BRD10: variants seen among roughly 807,000 people sequenced by gnomAD.
The protein encoded by BRD10 is uncharacterized bromodomain-containing protein 10.
At chr9:5,995,710 T>C in the BRD10 span, among the ~76,000 whole-genome samples, 3 of 152,156 alleles carry the variant, frequency 2.0e-5, no homozygotes, top group Admixed American at 2.0e-4. Flanking sequence ...GTTAAGAACT[T>C]GAATTGGACT....
At chr9:5,955,940 G>C in the BRD10 span, among the ~76,000 whole-genome samples, 1 of 152,078 alleles carries the variant, frequency 6.6e-6, no homozygotes, top group Non-Finnish European at 1.5e-5. Context: ...GCTGAAGGGG[G>C]CTCATGAATT....
At chr9:5,885,264 G>A in the BRD10 span, among the ~76,000 whole-genome samples, 1 of 152,202 alleles carries the variant, frequency 6.6e-6, no homozygotes, top group Non-Finnish European at 1.5e-5. Context: ...CTCACCCCAA[G>A]GACTGGGCAC....
At chr9:5,916,718 T>C in the BRD10 span, among the ~76,000 whole-genome samples, 1 of 152,050 alleles carries the variant, frequency 6.6e-6, no homozygotes, top group Non-Finnish European at 1.5e-5. Context: ...ACTTAGTATT[T>C]TAGGTGATAC....
At chr9:5,922,991 C>G in the BRD10 span, 244 of 1,613,784 alleles carry the variant, frequency 1.5e-4, no homozygotes, top group Non-Finnish European at 1.9e-4. Context: ...GGGTTTGGTC[C>G]CTTTCTGGAG....
At chr9:5,962,286 G>A in the BRD10 span, among the ~76,000 whole-genome samples, 5 of 140,318 alleles carry the variant, frequency 3.6e-5, no homozygotes, top group East Asian at 2.0e-4. Context: ...ACACCTCTAC[G>A]CAAATAAACT....
At chr9:5,950,309 C>A in the BRD10 span, among the ~76,000 whole-genome samples, 2 of 152,202 alleles carry the variant, frequency 1.3e-5, no homozygotes, top group African/African-American at 4.8e-5. Context: ...CCAGAAGCGA[C>A]TGACCTGCTT....
the BRD10 span, among the ~76,000 whole-genome samples, chr9:5,904,629 T>C: frequency 6.6e-6 from 1 of 152,118 alleles, no homozygotes; most frequent in South Asian, 2.1e-4. Context: ...CATACTACTA[T>C]GCTCATCTAA....
the BRD10 span, among the ~76,000 whole-genome samples, chr9:5,943,474 C>CA: frequency 6.6e-6 from 1 of 150,826 alleles, no homozygotes; most frequent in Non-Finnish European, 1.5e-5. Context: ...AAAACAGTAA[C>CA]ACTCTGATAT....
At chr9:6,004,907 G>C in the BRD10 span, among the ~76,000 whole-genome samples, 5 of 152,104 alleles carry the variant, frequency 3.3e-5, no homozygotes, top group Non-Finnish European at 7.4e-5. Flanking sequence ...GTGTGGTCTC[G>C]CAAACCTGAT....
chr9:5,887,076 T>C, the BRD10 span, among the ~76,000 whole-genome samples: 7 of 152,180 alleles, frequency 4.6e-5, no homozygotes, highest in South Asian at 2.1e-4. Flanking sequence ...CTGGCCAAAA[T>C]AGCAAAATCC....
At chr9:5,989,955 G>A in the BRD10 span, among the ~76,000 whole-genome samples, 1 of 152,134 alleles carries the variant, frequency 6.6e-6, no homozygotes, top group East Asian at 1.9e-4. Context: ...TGCCATCTAG[G>A]TCCCATGAAC....
At chr9:5,992,470 T>G in the BRD10 span, among the ~76,000 whole-genome samples, 2 of 152,294 alleles carry the variant, frequency 1.3e-5, no homozygotes, top group South Asian at 4.1e-4. Flanking sequence ...AAATTTACCT[T>G]TCAAATAGGG....
the BRD10 span, among the ~76,000 whole-genome samples, chr9:5,985,925 TA>T: frequency 1.3e-4 from 19 of 151,836 alleles, no homozygotes; most frequent in South Asian, 6.3e-4. Context: ...GCTAATTCTT[TA>T]AAAAAAAATT....
chr9:5,977,841 G>GA, the BRD10 span, among the ~76,000 whole-genome samples: 5 of 149,254 alleles, frequency 3.3e-5, no homozygotes, highest in Non-Finnish European at 5.9e-5. Context: ...TCTCAAAAAA[G>GA]AAAAAAAAAT....
At chr9:6,007,544 C>T in the BRD10 span, 8 of 1,612,956 alleles carry the variant, frequency 5.0e-6, no homozygotes, top group Non-Finnish European at 6.8e-6. Context: ...ATGCGGTAGC[C>T]CTGCTGTAGC....
chr9:5,988,068 C>T, the BRD10 span, among the ~76,000 whole-genome samples: 4 of 152,292 alleles, frequency 2.6e-5, no homozygotes, highest in East Asian at 5.8e-4. Flanking sequence ...GAAAATTCCT[C>T]TAATTTAAAA....
chr9:5,923,642 C>G, the BRD10 span, among the ~76,000 whole-genome samples: 1 of 152,134 alleles, frequency 6.6e-6, no homozygotes. Context: ...AATCAGGGCT[C>G]AGAATTTAAT....
the BRD10 span, among the ~76,000 whole-genome samples, chr9:5,891,758 C>T: frequency 6.6e-6 from 1 of 152,112 alleles, no homozygotes; most frequent in African/African-American, 2.4e-5. Context: ...CAGAGAGAAG[C>T]AGAAATTGAC....
chr9:5,912,193 G>A, the BRD10 span, among the ~76,000 whole-genome samples: 2 of 152,198 alleles, frequency 1.3e-5, no homozygotes, highest in African/African-American at 4.8e-5. Context: ...TTGGCATACA[G>A]AAATGATACT....
Sources: allele counts gnomAD v4.1 joint callset (sites outside exome capture counted in the v4.1 genomes callset), GRCh38; gene constraint gnomAD v4.1.1; transcripts MANE v1.5; gene names NCBI Gene and HGNC (gene_info 2026-07-23, HGNC 2026-07-21).